The following DLG2 variants were observed in gnomAD, a reference collection of about 807,000 sequenced individuals.
DLG2 encodes the protein discs large MAGUK scaffold protein 2, also known as disks large homolog 2.
A neutral mutation model predicts 132.5 loss-of-function variants in DLG2; 45 were observed. The ratio of observed to expected loss-of-function variants is 0.34; its 90% CI spans 0.27 to 0.44. The LOEUF is 0.44. Ranked by LOEUF, DLG2 falls within the 20% of genes least tolerant of loss-of-function variation. DLG2 has a pLI of 1.00. For synonymous variants in DLG2, 424 were observed against 419.6 expected (o/e 1.01, Z -0.13); for missense variants, 1,045 against 1,196.9 (o/e 0.87, Z 1.87).
intron 15 of DLG2, among the ~76,000 whole-genome samples, chr11:83,922,390 C>T (rs946459504): frequency 3.9e-5 from 6 of 152,026 alleles, no homozygotes; most frequent in African/African-American, 1.4e-4. Flanking sequence ...TGATCACCTA[C>T]TTCAAAAAGG....
At position 83,633,290 on chromosome 11, in the gene DLG2, G is replaced by A; in HGVS notation, c.1861C>T (p.Arg621Ter). 1 of 1,613,624 alleles carries A rather than the reference G, an allele frequency of 6.2e-7. No homozygotes were observed. Among genetic ancestry groups the A allele is most frequent in the East Asian group, 2.2e-5 (1 of 44,848 alleles). ...ATGCTGTGGTTCATCATCTGCTCTC[G>A]TAGGTCATGGATTTTGGCCTCAAAT... ...ARFEAKIHDL[R>*]EQMMNHSMSS... Residue 621 changes from arginine to a stop codon, truncating the protein, a stop_gained, in exon 19 of 28, where the codon CGA becomes TGA. Transcript: ENST00000376104. LOFTEE classifies it high-confidence loss of function.
intron 6 of DLG2, among the ~76,000 whole-genome samples, chr11:84,662,418 G>T (rs531431629): frequency 6.6e-6 from 1 of 151,880 alleles, no homozygotes; most frequent in South Asian, 2.1e-4. Context: ...CAGGTGATCG[G>T]CCCACCTCAG....
chr11:84,706,978 C>T lies in DLG2; in HGVS notation c.358-172247G>A, dbSNP rs138226880. Reference sequence around the variant, plus strand: ...TTTAAGGGAGACTTGTACACCAATGCCAAATGCTTATTCAAAATTGCAGAA... The same window carrying T: ...TTTAAGGGAGACTTGTACACCAATGTCAAATGCTTATTCAAAATTGCAGAA... On this transcript the variant is annotated intron_variant, in intron 6 of 27. Coordinates refer to ENST00000376104, the MANE Select transcript of DLG2 (RefSeq NM_001142699.3). 3.0e-3 allele frequency among the ~76,000 whole-genome samples: 463 copies of T among 151,832 alleles called. 5 individuals carry two copies. Among genetic ancestry groups the T allele is most frequent in the Non-Finnish European group, 5.0e-3 (336 of 67,830 alleles).
At chr11:85,615,583 T>C (rs1231557595) in intron 2 of DLG2, among the ~76,000 whole-genome samples, 10 of 152,160 alleles carry the variant, frequency 6.6e-5, no homozygotes, top group Non-Finnish European at 1.5e-5. Flanking sequence ...CAGATTTATT[T>C]ATCTAGAAAA....
At chr11:84,197,337 T>C (rs2096535369) in intron 8 of DLG2, among the ~76,000 whole-genome samples, 1 of 152,152 alleles carries the variant, frequency 6.6e-6, no homozygotes, top group African/African-American at 2.4e-5. Flanking sequence ...TCTATATATA[T>C]AATCAAAATA....
intron 7 of DLG2, among the ~76,000 whole-genome samples, chr11:84,386,685 A>C (rs1358479797): frequency 6.6e-6 from 1 of 152,008 alleles, no homozygotes; most frequent in African/African-American, 2.4e-5. Flanking sequence ...ATGTTGATGC[A>C]TTTTTTTCTT....
At chr11:84,011,637 G>A (rs892316390) in intron 11 of DLG2, among the ~76,000 whole-genome samples, 4 of 151,968 alleles carry the variant, frequency 2.6e-5, no homozygotes, top group Non-Finnish European at 5.9e-5. Context: ...TCAAAGCTCT[G>A]CATCTAATAA....
chr11:84,552,678 T>C (rs544918930), intron 6 of DLG2, among the ~76,000 whole-genome samples: 10 of 152,320 alleles, frequency 6.6e-5, no homozygotes, highest in Non-Finnish European at 1.0e-4. Context: ...TTGAGTCTTG[T>C]TTATGGCTGT....
chr11:85,148,874 T>C (rs1425624884), intron 5 of DLG2, among the ~76,000 whole-genome samples: 2 of 152,242 alleles, frequency 1.3e-5, no homozygotes, highest in East Asian at 1.9e-4. Flanking sequence ...AAGGTTTTTA[T>C]GGTTTTGGGT....
At chr11:83,986,748 C>T (rs1341991349) in intron 11 of DLG2, among the ~76,000 whole-genome samples, 1 of 152,024 alleles carries the variant, frequency 6.6e-6, no homozygotes, top group Non-Finnish European at 1.5e-5. Flanking sequence ...TAATGATCGC[C>T]ATTCTAACTG....
Position 84,354,240 on chromosome 11 carries a change from T to C in DLG2, c.520-102949A>G, listed in dbSNP as rs78618906. On this transcript the variant is annotated intron_variant, in intron 7 of 27. Coordinates refer to ENST00000376104, the MANE Select transcript of DLG2 (RefSeq NM_001142699.3). ...AATGTACCAAAGTGGAAGATTTCAG[T>C]AGTCAACTCTGGGTTAAACTACTCA... Among the ~76,000 whole-genome samples the C allele has an allele frequency of 3.3e-3, 503 of 152,290 alleles. 22 individuals carry two copies. The East Asian group carries it at 0.074, about 23-fold the overall frequency.
chr11:84,862,835 GAC>G (rs2083960495), intron 6 of DLG2, among the ~76,000 whole-genome samples: 5 of 122,684 alleles, frequency 4.1e-5, no homozygotes, highest in Admixed American at 8.6e-5. Flanking sequence ...GGGGGTGGGG[GAC>G]TAGGGGAGGA....
intron 3 of DLG2, among the ~76,000 whole-genome samples, chr11:85,587,324 G>A (rs2079035094): frequency 6.6e-6 from 1 of 152,012 alleles, no homozygotes; most frequent in Admixed American, 6.6e-5. Context: ...TTATTGTGTT[G>A]CCATCTATCT....
At chr11:85,517,161 T>C (rs979349657) in intron 3 of DLG2, among the ~76,000 whole-genome samples, 1 of 151,740 alleles carries the variant, frequency 6.6e-6, no homozygotes, top group Non-Finnish European at 1.5e-5. Flanking sequence ...ATAAAGATAA[T>C]TAAAATCAAA....
intron 6 of DLG2, among the ~76,000 whole-genome samples, chr11:84,556,380 C>T (rs975587852): frequency 6.6e-6 from 1 of 152,094 alleles, no homozygotes; most frequent in African/African-American, 2.4e-5. Context: ...CTTCCTGACT[C>T]GTATTTCTGT....
At chr11:83,971,891 G>C (rs528873263) in intron 12 of DLG2, among the ~76,000 whole-genome samples, 6 of 151,874 alleles carry the variant, frequency 4.0e-5, no homozygotes, top group Non-Finnish European at 1.5e-5. Flanking sequence ...TAAATAAAAG[G>C]CATGTTAGTA....
At chr11:84,630,499 G>A (rs1262534279) in intron 6 of DLG2, among the ~76,000 whole-genome samples, 1 of 151,932 alleles carries the variant, frequency 6.6e-6, no homozygotes, top group African/African-American at 2.4e-5. Flanking sequence ...AATTTGTTAT[G>A]TGACAAAAAC....
intron 3 of DLG2, among the ~76,000 whole-genome samples, chr11:85,591,501 G>T (rs924495540): frequency 2.6e-5 from 4 of 152,176 alleles, no homozygotes; most frequent in African/African-American, 9.7e-5. Context: ...AGCGCTTTGG[G>T]AGGCCAAGGC....
chr11:84,621,033 T>C (rs2099612987), intron 6 of DLG2, among the ~76,000 whole-genome samples: 1 of 151,942 alleles, frequency 6.6e-6, no homozygotes, highest in Non-Finnish European at 1.5e-5. Context: ...CATGCAACAA[T>C]GGGGATGACT....
Sources: allele counts gnomAD v4.1 joint callset (sites outside exome capture counted in the v4.1 genomes callset), GRCh38; gene constraint gnomAD v4.1.1; transcripts MANE v1.5; gene names NCBI Gene and HGNC (gene_info 2026-07-23, HGNC 2026-07-21).